CNTNAP5: variants seen among roughly 807,000 people sequenced by gnomAD.
CNTNAP5 encodes the protein contactin-associated protein-like 5.
Under a neutral mutation model 150.2 loss-of-function variants are expected in CNTNAP5, and 72 were observed. The ratio of observed to expected loss-of-function variants is 0.48; its 90% CI spans 0.40 to 0.58. The LOEUF (loss-of-function observed/expected upper bound fraction) is 0.58. Among genes scored for constraint, CNTNAP5 ranks in the 20% least tolerant of loss-of-function variants. The pLI, the probability that CNTNAP5 is intolerant of heterozygous loss-of-function variation, is 0.00. For missense variants in CNTNAP5, 1,636 were observed against 1,626.2 expected (o/e 1.01, Z -0.10); for synonymous variants, 672 against 619.8 (o/e 1.08, Z -1.25).
At chr2:124,715,696 T>A (rs1679930388) in intron 13 of CNTNAP5, among the ~76,000 whole-genome samples, 1 of 152,130 alleles carries the variant, frequency 6.6e-6, no homozygotes, top group South Asian at 2.1e-4. Flanking sequence ...GAGAACTTAG[T>A]CACACGGCTT....
At chr2:124,777,775 ATGTGTGTGTGTGTGTGTGTGTGTGTGTG>A (rs35863925) in intron 17 of CNTNAP5, among the ~76,000 whole-genome samples, 1 of 130,600 alleles carries the variant, frequency 7.7e-6, no homozygotes, top group African/African-American at 2.8e-5. Context: ...GAATGGAGGG[ATGTGTGTGTGTGTGTGTGTGTGTGTGTG>A]TGTGTGTGTG....
chr2:124,288,659 T>G (rs1688212150), intron 3 of CNTNAP5, among the ~76,000 whole-genome samples: 1 of 152,192 alleles, frequency 6.6e-6, no homozygotes, highest in Non-Finnish European at 1.5e-5. Flanking sequence ...AATTAAACCC[T>G]TGAAACCCCC....
At chr2:124,903,832 T>C (rs1678468108) in intron 22 of CNTNAP5, among the ~76,000 whole-genome samples, 2 of 152,024 alleles carry the variant, frequency 1.3e-5, no homozygotes, top group South Asian at 4.2e-4. Flanking sequence ...CGCAGGAGGA[T>C]CACCTGAGGT....
chr2:124,084,223 G>C (rs1282344644), intron 1 of CNTNAP5, among the ~76,000 whole-genome samples: 1 of 150,820 alleles, frequency 6.6e-6, no homozygotes, highest in Non-Finnish European at 1.5e-5. Flanking sequence ...CTTGAATTCT[G>C]CAACCTTTTT....
chr2:124,440,965 T>G (rs1692659422), intron 5 of CNTNAP5, among the ~76,000 whole-genome samples: 1 of 152,058 alleles, frequency 6.6e-6, no homozygotes, highest in Non-Finnish European at 1.5e-5. Flanking sequence ...TCGTGAGAAT[T>G]AAGTGTTTTG....
intron 3 of CNTNAP5, among the ~76,000 whole-genome samples, chr2:124,410,465 C>T (rs2104768780): frequency 6.8e-6 from 1 of 147,866 alleles, no homozygotes; most frequent in East Asian, 2.0e-4. Context: ...CCAAAATTGA[C>T]CACATACTTG....
chr2:124,901,855 T>C (rs1326663843), intron 21 of CNTNAP5, among the ~76,000 whole-genome samples: 2 of 152,164 alleles, frequency 1.3e-5, no homozygotes, highest in Non-Finnish European at 2.9e-5. Flanking sequence ...GGTTAATTTC[T>C]CATTTTCCTC....
At chr2:124,836,115 G>A (rs1038639496) in intron 19 of CNTNAP5, among the ~76,000 whole-genome samples, 2 of 152,064 alleles carry the variant, frequency 1.3e-5, no homozygotes, top group Non-Finnish European at 2.9e-5. Flanking sequence ...GTAGAAGGGA[G>A]AAAGATCAGA....
chr2:124,358,485 C>T (rs1463356349), intron 3 of CNTNAP5, among the ~76,000 whole-genome samples: 1 of 152,132 alleles, frequency 6.6e-6, no homozygotes, highest in African/African-American at 2.4e-5. Context: ...CCCATCAATA[C>T]CTAATTTATT....
chr2:124,812,695 C>T (rs1682263180), intron 19 of CNTNAP5, among the ~76,000 whole-genome samples: 1 of 152,122 alleles, frequency 6.6e-6, no homozygotes, highest in Non-Finnish European at 1.5e-5. Context: ...AATTGTAGAT[C>T]TACCTATAAC....
At chr2:124,036,545 C>T (rs1377646187) in intron 1 of CNTNAP5, among the ~76,000 whole-genome samples, 1 of 151,996 alleles carries the variant, frequency 6.6e-6, no homozygotes, top group Non-Finnish European at 1.5e-5. Flanking sequence ...GCTGAAACCA[C>T]CAGGATATTA....
At chr2:124,391,878 C>T (rs144820134) in intron 3 of CNTNAP5, among the ~76,000 whole-genome samples, 2,962 of 152,248 alleles carry the variant, frequency 0.019, 108 homozygotes, top group African/African-American at 0.068. Flanking sequence ...ATGGAGTGAA[C>T]TCGGGAAGCG....
chr2:124,537,511 T>C lies in CNTNAP5; in HGVS notation c.1649+10055T>C, dbSNP rs7561776. 3.9e-3 allele frequency among the ~76,000 whole-genome samples: 590 copies of C among 152,204 alleles called. 3 individuals carry two copies. The highest frequency in any genetic ancestry group is 0.013 in the African/African-American group (558 of 41,552). ...CCATGAGACACTGGGCTTGATCTAA[T>C]TCTTTGAGCTGACTGGGGAATAGAA... On this transcript the variant is annotated intron_variant, in intron 10 of 23. Coordinates refer to ENST00000682447, the MANE Select transcript of CNTNAP5 (RefSeq NM_001367498.1).
At chr2:124,082,712 T>A (rs1397010460) in intron 1 of CNTNAP5, among the ~76,000 whole-genome samples, 2 of 152,264 alleles carry the variant, frequency 1.3e-5, no homozygotes, top group Non-Finnish European at 2.9e-5. Context: ...TGTATACTTT[T>A]TAAATAATCT....
chr2:124,540,128 C>A (rs1029194150), intron 10 of CNTNAP5, among the ~76,000 whole-genome samples: 1 of 152,148 alleles, frequency 6.6e-6, no homozygotes, highest in Non-Finnish European at 1.5e-5. Flanking sequence ...TCTAGTACAT[C>A]CAGAACACCG....
intron 1 of CNTNAP5, among the ~76,000 whole-genome samples, chr2:124,122,046 G>A (rs1475652625): frequency 2.6e-5 from 4 of 152,176 alleles, no homozygotes; most frequent in Non-Finnish European, 5.9e-5. Context: ...TGGGGAGAAA[G>A]GAGATGCTAA....
At chr2:124,716,918 T>C (rs80243493) in intron 13 of CNTNAP5, among the ~76,000 whole-genome samples, 6,592 of 152,240 alleles carry the variant, frequency 0.043, 508 homozygotes, top group African/African-American at 0.15. Context: ...AAAACTTCTG[T>C]GGTATTCAAT....
chr2:124,243,541 G>A (rs183822934), intron 3 of CNTNAP5, among the ~76,000 whole-genome samples: 6 of 152,202 alleles, frequency 3.9e-5, no homozygotes, highest in Admixed American at 2.6e-4. Context: ...TGGGTCACTT[G>A]TAATATTAGG....
chr2:124,552,172 GC>G (rs1453619689), intron 10 of CNTNAP5, among the ~76,000 whole-genome samples: 2 of 152,114 alleles, frequency 1.3e-5, no homozygotes, highest in African/African-American at 4.8e-5. Flanking sequence ...AGGAGCAAAG[GC>G]CCTCCCCATT....
Sources: allele counts gnomAD v4.1 joint callset (sites outside exome capture counted in the v4.1 genomes callset), GRCh38; gene constraint gnomAD v4.1.1; transcripts MANE v1.5; gene names NCBI Gene and HGNC (gene_info 2026-07-23, HGNC 2026-07-21).